The following CTNNA3 variants were observed in gnomAD, a reference collection of about 807,000 sequenced individuals.
CTNNA3 encodes the protein catenin alpha 3, also known as catenin alpha-3.
CTNNA3 carries 76 observed loss-of-function variants against 95.7 expected under a neutral mutation model. That is an observed-to-expected ratio of 0.79 (90% CI 0.66 to 0.96). CTNNA3 has a LOEUF of 0.96. Ranked by LOEUF, CTNNA3 falls within the 40% of genes least tolerant of loss-of-function variation. The pLI, the probability that CTNNA3 is intolerant of heterozygous loss-of-function variation, is 0.00. For synonymous variants in CTNNA3, 431 were observed against 374.4 expected (o/e 1.15, Z -1.74); for missense variants, 1,191 against 1,089.8 (o/e 1.09, Z -1.31).
rs549423584 is a variant in CTNNA3, at chr10:66,456,505, A to T, written c.1531+64112T>A. Reference sequence around the variant, plus strand: ...AGACCAGCCTGGCCAACATGGTGAAATCCCGTCTCTACTAAGAAAAATTAG... The same window carrying T: ...AGACCAGCCTGGCCAACATGGTGAATTCCCGTCTCTACTAAGAAAAATTAG... On this transcript the variant is annotated intron_variant, in intron 11 of 17. Coordinates refer to ENST00000433211, the MANE Select transcript of CTNNA3 (RefSeq NM_013266.4). Among the ~76,000 whole-genome samples, 129 of 152,066 alleles carry T rather than the reference A, an allele frequency of 8.5e-4. 2 individuals are homozygous for T. The highest frequency in any genetic ancestry group is 3.3e-4 in the Admixed American group (5 of 15,248).
intron 3 of CTNNA3, among the ~76,000 whole-genome samples, chr10:67,606,648 G>T (rs1843281234): frequency 6.6e-6 from 1 of 152,164 alleles, no homozygotes; most frequent in Middle Eastern, 3.4e-3. Flanking sequence ...TGCCTGGGGG[G>T]ACCGAGCAAC....
intron 13 of CTNNA3, among the ~76,000 whole-genome samples, chr10:66,157,064 G>T (rs1687766511): frequency 6.6e-6 from 1 of 151,736 alleles, no homozygotes; most frequent in African/African-American, 2.4e-5. Flanking sequence ...TTTTCCATAA[G>T]TTATTGGGGT....
At chr10:66,636,665 A>G (rs1024674658) in intron 9 of CTNNA3, among the ~76,000 whole-genome samples, 2 of 152,142 alleles carry the variant, frequency 1.3e-5, no homozygotes, top group Non-Finnish European at 2.9e-5. Flanking sequence ...TGCAAATAAA[A>G]TATTTTTCAC....
Position 66,069,446 on chromosome 10 carries a change from G to A in CTNNA3, c.2021C>T (p.Ala674Val). The A allele has an allele frequency of 6.2e-7, 1 of 1,613,014 alleles. No individual in the cohort carries two copies. Among genetic ancestry groups the A allele is most frequent in the Non-Finnish European group, 8.5e-7 (1 of 1,179,518 alleles). The change falls in exon 15 of 18, where the codon GCT becomes GTT. Residue 674 changes from alanine to valine, a missense_variant. By Grantham distance (64) the Ala-to-Val change is moderately conservative. Coordinates refer to ENST00000433211, the MANE Select transcript of CTNNA3 (RefSeq NM_013266.4). ...TTTCTTGAAATCAGCAACTTGCTCA[G>A]CAATCTTTTCTTTTTCTGCCTCAGG... Reference protein sequence around the residue: ...QLPEAEKEKIAEQVADFKKVK... With the variant: ...QLPEAEKEKIVEQVADFKKVK...
At chr10:66,978,889 A>G (rs1276912600) in intron 7 of CTNNA3, among the ~76,000 whole-genome samples, 1 of 151,182 alleles carries the variant, frequency 6.6e-6, no homozygotes. Flanking sequence ...TATTATTTGA[A>G]GGAAGCCATT....
Position 66,024,085 on chromosome 10 carries a change from A to ATTTTTTTTTTTTT in CTNNA3, c.2160-35301_2160-35289dup, listed in dbSNP as rs71474007. On this transcript the variant is annotated intron_variant, in intron 15 of 17. Transcript: ENST00000433211. The stretch of plus-strand genomic sequence containing the variant: ...TATCACAGAAACTTATACCATACAC[A>ATTTTTTTTTTTTT]TTTTTTTTTTTTTTTTTTTTTTGAG... Among the ~76,000 whole-genome samples, 16 of 87,746 alleles carry ATTTTTTTTTTTTT rather than the reference A, an allele frequency of 1.8e-4. 1 individual carries two copies. The highest frequency in any genetic ancestry group is 2.7e-4 in the Non-Finnish European group (13 of 48,062). 57.6% of individuals were successfully genotyped at this position (87,746 alleles called of 152,430 possible). A position where few individuals can be genotyped will look rare whatever the true frequency, so the allele number is the denominator to read the frequency against.
chr10:67,141,068 G>T (rs942766627), intron 7 of CTNNA3, among the ~76,000 whole-genome samples: 1 of 152,120 alleles, frequency 6.6e-6, no homozygotes, highest in African/African-American at 2.4e-5. Flanking sequence ...CTTAAAATAG[G>T]ACATCACCTC....
intron 7 of CTNNA3, among the ~76,000 whole-genome samples, chr10:66,996,154 G>T: frequency 6.6e-6 from 1 of 152,142 alleles, no homozygotes; most frequent in East Asian, 1.9e-4. Context: ...GCACAAGTAG[G>T]TCTCAAAGCT....
chr10:66,392,786 G>T (rs10997102), intron 11 of CTNNA3, among the ~76,000 whole-genome samples: 2,501 of 152,210 alleles, frequency 0.016, 66 homozygotes, highest in African/African-American at 0.058. Flanking sequence ...TGAAGAGAAT[G>T]TAAAATGACA....
intron 10 of CTNNA3, among the ~76,000 whole-genome samples, chr10:66,544,672 C>T (rs1445802145): frequency 2.0e-5 from 3 of 152,070 alleles, no homozygotes. Context: ...AAAATGAAGT[C>T]AGCACTCAAT....
chr10:66,651,670 G>A (rs1389917578), intron 9 of CTNNA3, among the ~76,000 whole-genome samples: 1 of 152,116 alleles, frequency 6.6e-6, no homozygotes, highest in Non-Finnish European at 1.5e-5. Flanking sequence ...CGGCACTGCT[G>A]GGGGACCCAG....
intron 5 of CTNNA3, among the ~76,000 whole-genome samples, chr10:67,289,749 AGGATGGATGAATGGATGGATGGAT>A (rs1179867952): frequency 7.4e-6 from 1 of 135,632 alleles, no homozygotes; most frequent in Non-Finnish European, 1.6e-5. Flanking sequence ...CAACAAAGGA[AGGATGGATGAATGGATGGATGGAT>A]GGATGGACGG....
chr10:66,094,505 A>G (rs1273323412), intron 14 of CTNNA3, among the ~76,000 whole-genome samples: 1 of 152,150 alleles, frequency 6.6e-6, no homozygotes, highest in Non-Finnish European at 1.5e-5. Flanking sequence ...AACATGCTGC[A>G]GAAATCTAGG....
At chr10:67,327,321 G>T (rs1050021657) in intron 5 of CTNNA3, among the ~76,000 whole-genome samples, 4 of 152,160 alleles carry the variant, frequency 2.6e-5, no homozygotes, top group African/African-American at 4.8e-5. Flanking sequence ...AGTTATCAGG[G>T]TTCTTGTGCT....
At chr10:66,476,833 A>T (rs904380217) in intron 11 of CTNNA3, among the ~76,000 whole-genome samples, 1 of 152,052 alleles carries the variant, frequency 6.6e-6, no homozygotes, top group African/African-American at 2.4e-5. Flanking sequence ...GACTCCTTAG[A>T]GTGGCAGATT....
intron 7 of CTNNA3, among the ~76,000 whole-genome samples, chr10:66,962,577 T>C (rs549179419): frequency 6.6e-6 from 1 of 151,588 alleles, no homozygotes; most frequent in East Asian, 2.0e-4. Flanking sequence ...ACCCAGATAA[T>C]TTTTTTTCTA....
At chr10:67,005,994 G>A (rs1851964363) in intron 7 of CTNNA3, among the ~76,000 whole-genome samples, 1 of 151,716 alleles carries the variant, frequency 6.6e-6, no homozygotes. Flanking sequence ...CCTACTCCAT[G>A]ATTTTTTTGA....
intron 7 of CTNNA3, among the ~76,000 whole-genome samples, chr10:67,137,526 G>T (rs747940206): frequency 5.9e-5 from 9 of 152,140 alleles, no homozygotes; most frequent in Non-Finnish European, 1.3e-4. Flanking sequence ...ATATATGCAA[G>T]TCAGAAAAAG....
chr10:66,686,007 C>A (rs1259450699), intron 9 of CTNNA3, among the ~76,000 whole-genome samples: 1 of 152,074 alleles, frequency 6.6e-6, no homozygotes, highest in Non-Finnish European at 1.5e-5. Context: ...TTATATAACA[C>A]TCATAATTTT....
Sources: gnomAD v4.1 joint callset for allele counts (sites outside exome capture counted in the v4.1 genomes callset) on GRCh38, gnomAD v4.1.1 for gene constraint, MANE v1.5 for transcripts, NCBI Gene and HGNC (gene_info 2026-07-23, HGNC 2026-07-21) for gene names.